Variants in PKP4 observed in about 807,000 individuals in gnomAD.
PKP4 encodes plakophilin-4.
In PKP4, 90 loss-of-function variants were observed where a neutral mutation model predicts 145.1. The observed-to-expected ratio is 0.62, with a 90% CI of 0.52 to 0.74. PKP4 has a LOEUF of 0.74. PKP4 is among the 30% of genes least tolerant of loss of function. The pLI is 0.00. For synonymous variants in PKP4, 563 were observed against 577.2 expected, an observed-to-expected ratio of 0.98 and a Z score of 0.35; for missense variants, 1,340 against 1,482.7, an observed-to-expected ratio of 0.90 and a Z score of 1.58.
chr2:158,518,621 G>C (rs559330759), intron 1 of PKP4, among the ~76,000 whole-genome samples: 1 of 152,294 alleles, frequency 6.6e-6, no homozygotes, highest in Admixed American at 6.5e-5. Context: ...GCTTTGCACT[G>C]TTTCTTGTGT....
intron 17 of PKP4, among the ~76,000 whole-genome samples, chr2:158,671,558 T>A (rs900369278): frequency 3.3e-5 from 5 of 152,162 alleles, no homozygotes; most frequent in African/African-American, 1.2e-4. Flanking sequence ...AAACCAGAGA[T>A]TCGGAAAGTC....
rs1253654193 is a variant in PKP4, at chr2:158,473,531, A to G, written c.-6+16313A>G. 3.3e-5 allele frequency among the ~76,000 whole-genome samples: 5 copies of G among 152,192 alleles called. No individual in the cohort carries two copies. The South Asian group carries it at 6.2e-4, about 19-fold the overall frequency. On this transcript the variant is annotated intron_variant, in intron 1 of 21. Coordinates refer to ENST00000389759, the MANE Select transcript of PKP4 (RefSeq NM_003628.6). The stretch of plus-strand genomic sequence containing the variant: ...AAGAACATGGATGGAGCTGGAGGCT[A>G]TTATCCTCAGGAAACTAACTCAGGA...
chr2:158,657,963 C>A (rs573276837), intron 11 of PKP4, among the ~76,000 whole-genome samples, 168 bp from the exon 12 acceptor site: 3 of 152,128 alleles, frequency 2.0e-5, no homozygotes, highest in African/African-American at 7.2e-5. Flanking sequence ...GAGGCTCATA[C>A]CTTCACTCAA....
At chr2:158,505,346 A>G (rs1262677077) in intron 1 of PKP4, among the ~76,000 whole-genome samples, 1 of 152,142 alleles carries the variant, frequency 6.6e-6, no homozygotes, top group Non-Finnish European at 1.5e-5. Context: ...CCAGAGTATT[A>G]AGATTCTACC....
At chr2:158,499,248 A>T (rs1357874757) in intron 1 of PKP4, among the ~76,000 whole-genome samples, 3 of 152,108 alleles carry the variant, frequency 2.0e-5, no homozygotes. Flanking sequence ...GGCCCCTTTC[A>T]TATCAAAACT....
intron 9 of PKP4, among the ~76,000 whole-genome samples, chr2:158,639,350 G>A (rs549142660): frequency 2.6e-5 from 4 of 150,958 alleles, no homozygotes; most frequent in East Asian, 1.9e-4. Flanking sequence ...GTGCGTGCGT[G>A]TGTGTTTGCG....
In PKP4 at chr2:158,670,011, A is replaced by G. The variant is rs1281735006; in HGVS notation, c.2924+96A>G. ...GAGGATACCTTTCCTATTGGAAAGGATTTATTTTTGCATTTCTTACATGCC... is the reference window on the plus strand; with the variant it reads ...GAGGATACCTTTCCTATTGGAAAGGGTTTATTTTTGCATTTCTTACATGCC... On this transcript the variant is annotated intron_variant, in intron 17 of 21. Coordinates refer to ENST00000389759, the MANE Select transcript of PKP4 (RefSeq NM_003628.6). 4 of 989,586 alleles carry G rather than the reference A, an allele frequency of 4.0e-6. No homozygotes were observed. In the African/African-American group the frequency reaches 4.8e-5, roughly 12 times the overall value. The allele number at this position is 989,586 out of a possible 1,614,324, so 61.3% of individuals were successfully genotyped here.
In PKP4 at chr2:158,676,813, C is replaced by T. The variant is rs1440447846; in HGVS notation, c.3202C>T (p.Pro1068Ser). 3.7e-6 allele frequency: 6 copies of T among 1,613,986 alleles called. No individual in the cohort carries two copies. The Admixed American group carries it at 6.7e-5, about 18-fold the overall frequency. ...CTCTGAATACGATAGGACCCAGCCA[C>T]CTATGCAGTATTACAATAGCCAAGG... ...PRSEYDRTQP[P>S]MQYYNSQGDA... Residue 1068 changes from proline (P) to serine (S), a missense_variant, in exon 20 of 22, where the codon CCT becomes TCT. Transcript: ENST00000389759.
At chr2:158,587,470 A>T (rs938244112) in intron 3 of PKP4, among the ~76,000 whole-genome samples, 4 of 152,046 alleles carry the variant, frequency 2.6e-5, no homozygotes, top group African/African-American at 9.7e-5. Flanking sequence ...GTACATATTG[A>T]TAAAGTACTT....
intron 2 of PKP4, among the ~76,000 whole-genome samples, chr2:158,554,676 C>T (rs1207833249): frequency 2.0e-5 from 3 of 152,172 alleles, no homozygotes; most frequent in Non-Finnish European, 4.4e-5. Flanking sequence ...CCGCCTGCGT[C>T]AGCCTCCCAA....
chr2:158,533,037 T>C lies in PKP4; in HGVS notation c.-5-143T>C, dbSNP rs1340194846. 11 of 713,826 alleles carry C rather than the reference T, an allele frequency of 1.5e-5. No individual in the cohort carries two copies. The East Asian group carries it at 1.7e-4, about 11-fold the overall frequency. 44.2% of individuals were successfully genotyped at this position (713,826 alleles called of 1,614,324 possible). A position where few individuals can be genotyped will look rare whatever the true frequency, so the allele number is the denominator to read the frequency against. ...CATATTTACTTATTGGTTACCTGTT[T>C]AGAAAATTTAGCAATTTCACAAGTT... is the stretch of plus-strand genomic sequence containing the variant. On this transcript the variant is annotated intron_variant, in intron 1 of 21. Coordinates refer to ENST00000389759, the MANE Select transcript of PKP4 (RefSeq NM_003628.6).
At chr2:158,475,692 G>T (rs1471174613) in intron 1 of PKP4, among the ~76,000 whole-genome samples, 1 of 152,180 alleles carries the variant, frequency 6.6e-6, no homozygotes, top group Non-Finnish European at 1.5e-5. Context: ...TATCTTTGAG[G>T]TGTGTTCTTT....
intron 1 of PKP4, among the ~76,000 whole-genome samples, chr2:158,477,769 C>G (rs1377651659): frequency 1.3e-5 from 2 of 152,124 alleles, no homozygotes; most frequent in African/African-American, 2.4e-5. Flanking sequence ...TACTTGAACT[C>G]AGGAGATCGA....
intron 2 of PKP4, among the ~76,000 whole-genome samples, chr2:158,535,823 A>G (rs938782188): frequency 8.5e-5 from 13 of 152,112 alleles, no homozygotes; most frequent in African/African-American, 3.1e-4. Context: ...GTGTCTTAGG[A>G]ATGATATTTC....
At chr2:158,641,060 G>A (rs2054237797) in intron 10 of PKP4, among the ~76,000 whole-genome samples, 1 of 152,166 alleles carries the variant, frequency 6.6e-6, no homozygotes, top group South Asian at 2.1e-4. Context: ...TTTTAGGCCA[G>A]GCACAGTGGC....
chr2:158,647,787 T>G (rs1044062259), intron 11 of PKP4, among the ~76,000 whole-genome samples: 1 of 152,228 alleles, frequency 6.6e-6, no homozygotes, highest in Non-Finnish European at 1.5e-5. Context: ...TTTTTTGCTG[T>G]TGTTGTACTT....
chr2:158,460,630 T>G (rs1689621122), intron 1 of PKP4, among the ~76,000 whole-genome samples: 1 of 152,206 alleles, frequency 6.6e-6, no homozygotes. Flanking sequence ...TCTTTCTGTT[T>G]CAATTGAGCA....
At chr2:158,495,866 TAA>T (rs1695633678) in intron 1 of PKP4, among the ~76,000 whole-genome samples, 1 of 113,712 alleles carries the variant, frequency 8.8e-6, no homozygotes, top group Admixed American at 9.7e-5. Flanking sequence ...AATAAATAAA[TAA>T]ATAAATAAAT....
At chr2:158,625,743 A>AT (rs1483417009) in intron 7 of PKP4, among the ~76,000 whole-genome samples, 1 of 151,986 alleles carries the variant, frequency 6.6e-6, no homozygotes, top group Non-Finnish European at 1.5e-5. Context: ...CAGTTGACTA[A>AT]TTTTTTTTAA....
Sources: allele counts gnomAD v4.1 joint callset (sites outside exome capture counted in the v4.1 genomes callset), GRCh38; gene constraint gnomAD v4.1.1; transcripts MANE v1.5; gene names NCBI Gene and HGNC (gene_info 2026-07-23, HGNC 2026-07-21).